PCDH15: variants seen among roughly 807,000 people sequenced by gnomAD.
PCDH15 encodes protocadherin-15.
PCDH15 carries 129 observed loss-of-function variants against 178.5 expected under a neutral mutation model. The ratio of observed to expected loss-of-function variants is 0.72; its 90% CI spans 0.63 to 0.84. PCDH15 has a LOEUF of 0.84. Ranked by LOEUF, PCDH15 falls within the 40% of genes least tolerant of loss-of-function variation. PCDH15 has a pLI of 0.00. For synonymous variants in PCDH15, 800 were observed against 732.0 expected (o/e 1.09, Z -1.50); for missense variants, 2,230 against 2,099.9 (o/e 1.06, Z -1.21).
chr10:55,434,942 A>T (rs1839004390), intron 2 of PCDH15, among the ~76,000 whole-genome samples: 1 of 152,158 alleles, frequency 6.6e-6, no homozygotes, highest in Non-Finnish European at 1.5e-5. Context: ...CTAATAGTCA[A>T]AAATCTAATT....
At position 54,094,678 on chromosome 10, in the gene PCDH15, T is replaced by C. The variant is rs114041330; in HGVS notation, c.1918-4615A>G. 3.5e-3 allele frequency among the ~76,000 whole-genome samples: 533 copies of C among 152,336 alleles called. 2 individuals are homozygous for C. The highest frequency in any genetic ancestry group is 0.011 in the African/African-American group (459 of 41,586). On this transcript the variant is annotated intron_variant, in intron 15 of 37. Coordinates refer to ENST00000644397, the MANE Select transcript of PCDH15 (RefSeq NM_001384140.1). ...TGGATAGCTGGCAAGTAATGCACTT[T>C]AGCCACTGGTTTGCTAATATATGGT... is the stretch of plus-strand genomic sequence containing the variant.
chr10:54,437,167 T>C (rs2075476943), intron 3 of PCDH15, among the ~76,000 whole-genome samples: 1 of 152,174 alleles, frequency 6.6e-6, no homozygotes. Context: ...ACAAATAATC[T>C]TCATTTGAAG....
chr10:54,911,525 A>C (rs1954819599), intron 2 of PCDH15, among the ~76,000 whole-genome samples: 2 of 152,224 alleles, frequency 1.3e-5, no homozygotes, highest in Non-Finnish European at 2.9e-5. Flanking sequence ...GTACCTAGAG[A>C]AACACACACT....
intron 1 of PCDH15, among the ~76,000 whole-genome samples, chr10:54,686,854 A>G (rs931877005): frequency 6.6e-6 from 1 of 152,186 alleles, no homozygotes; most frequent in Non-Finnish European, 1.5e-5. Context: ...ACAGAATGGG[A>G]GAAAATATTT....
At chr10:54,107,808 G>C (rs2094944266) in intron 15 of PCDH15, among the ~76,000 whole-genome samples, 3 of 152,132 alleles carry the variant, frequency 2.0e-5, no homozygotes, top group South Asian at 2.1e-4. Context: ...CCTTGGAAAA[G>C]GGTTGCCACA....
intron 3 of PCDH15, among the ~76,000 whole-genome samples, chr10:54,830,092 T>A (rs532357465): frequency 7.7e-4 from 117 of 152,042 alleles, no homozygotes; most frequent in Non-Finnish European, 1.4e-3. Context: ...TGCTTCTAAA[T>A]TATAATAACA....
At chr10:54,219,592 CAAAAAAAAAA>C (rs763785938) in intron 9 of PCDH15, among the ~76,000 whole-genome samples, 1 of 32,394 alleles carries the variant, frequency 3.1e-5, no homozygotes, top group Non-Finnish European at 6.6e-5. Flanking sequence ...GACTCCATCT[CAAAAAAAAAA>C]AAAAAAAAAA....
In PCDH15 at chr10:54,643,084, A is replaced by G. The variant is rs565154869; in HGVS notation, c.91+21088T>C. ...ATTACAGGTGCCTGCCAGCACGCCCAGCTAATTTTTTTGTACTTTTAGTAG... is the reference window on the plus strand; with the variant it reads ...ATTACAGGTGCCTGCCAGCACGCCCGGCTAATTTTTTTGTACTTTTAGTAG... On this transcript the variant is annotated intron_variant, in intron 2 of 37. Transcript: ENST00000644397. Among the ~76,000 whole-genome samples, 4 of 152,096 alleles carry G rather than the reference A, an allele frequency of 2.6e-5. No individual in the cohort carries two copies. The East Asian group carries it at 7.8e-4, about 30-fold the overall frequency.
At chr10:55,091,866 T>C (rs926061756) in intron 2 of PCDH15, among the ~76,000 whole-genome samples, 8 of 151,870 alleles carry the variant, frequency 5.3e-5, no homozygotes, top group African/African-American at 1.9e-4. Context: ...CAAAAAACAT[T>C]TATTAGCTGA....
chr10:54,469,627 G>T (rs1257525243), intron 3 of PCDH15, among the ~76,000 whole-genome samples: 1 of 152,086 alleles, frequency 6.6e-6, no homozygotes, highest in African/African-American at 2.4e-5. Flanking sequence ...TAATTTTCAG[G>T]GCTGCATACA....
chr10:54,999,391 G>A (rs988129418), intron 2 of PCDH15, among the ~76,000 whole-genome samples: 1 of 152,132 alleles, frequency 6.6e-6, no homozygotes, highest in African/African-American at 2.4e-5. Context: ...TGTTTAAATG[G>A]TATTTATGTT....
chr10:54,408,635 C>T (rs1407524027), intron 3 of PCDH15, among the ~76,000 whole-genome samples: 1 of 152,098 alleles, frequency 6.6e-6, no homozygotes, highest in South Asian at 2.1e-4. Context: ...TGTTTCTGAA[C>T]CGCATAACTG....
intron 2 of PCDH15, chr10:54,599,685 A>G: frequency 2.3e-6 from 1 of 436,028 alleles, no homozygotes; most frequent in Non-Finnish European, 4.4e-6. Flanking sequence ...ACTAGTCTCC[A>G]GTGAAAGCAA....
chr10:53,849,852 C>A (rs2078232188), intron 28 of PCDH15, among the ~76,000 whole-genome samples: 1 of 105,074 alleles, frequency 9.5e-6, no homozygotes, highest in Non-Finnish European at 1.7e-5. Context: ...CAGAGGAAGG[C>A]TCCGTCTCAA....
At chr10:55,038,514 A>T (rs1223563786) in intron 2 of PCDH15, among the ~76,000 whole-genome samples, 1 of 152,234 alleles carries the variant, frequency 6.6e-6, no homozygotes, top group Non-Finnish European at 1.5e-5. Context: ...AGTGAGGCAA[A>T]ACTGGAAAAC....
intron 3 of PCDH15, among the ~76,000 whole-genome samples, chr10:54,399,500 A>T (rs931681458): frequency 1.3e-4 from 20 of 152,240 alleles, no homozygotes; most frequent in African/African-American, 4.8e-4. Context: ...TAGAGAATTT[A>T]GAGAAATTAG....
intron 3 of PCDH15, among the ~76,000 whole-genome samples, chr10:54,385,240 A>G (rs1483409176): frequency 1.3e-5 from 2 of 152,158 alleles, no homozygotes; most frequent in East Asian, 3.8e-4. Flanking sequence ...CTACAGTTAA[A>G]TCTGTTTTCT....
At chr10:55,289,658 T>C (rs1842959701) in intron 1 of PCDH15, among the ~76,000 whole-genome samples, 1 of 152,024 alleles carries the variant, frequency 6.6e-6, no homozygotes, top group Non-Finnish European at 1.5e-5. Flanking sequence ...TAAAATTGTA[T>C]CCAAATTGTT....
intron 2 of PCDH15, among the ~76,000 whole-genome samples, chr10:55,003,197 T>A (rs1487522108): frequency 6.6e-6 from 1 of 152,198 alleles, no homozygotes. Context: ...TTGCTTTGAT[T>A]CTTCTAAAAA....
Sources: allele counts gnomAD v4.1 joint callset (sites outside exome capture counted in the v4.1 genomes callset), GRCh38; gene constraint gnomAD v4.1.1; transcripts MANE v1.5; gene names NCBI Gene and HGNC (gene_info 2026-07-23, HGNC 2026-07-21).